SLC39A11: variants seen among roughly 807,000 people sequenced by gnomAD.
SLC39A11 encodes solute carrier family 39 member 11.
Under a neutral mutation model 36.1 loss-of-function variants are expected in SLC39A11, and 33 were observed. That is an observed-to-expected ratio of 0.91 (90% CI 0.69 to 1.22). SLC39A11 has a LOEUF of 1.22. Ranked by LOEUF, SLC39A11 falls within the 50% of genes most tolerant of loss-of-function variation. The pLI is 0.00. For synonymous variants in SLC39A11, 166 were observed against 170.3 expected, an observed-to-expected ratio of 0.97 and a Z score of 0.20; for missense variants, 432 against 430.3, an observed-to-expected ratio of 1.00 and a Z score of -0.03.
chr17:73,047,105 G>A (rs4629029), intron 3 of SLC39A11, among the ~76,000 whole-genome samples: 150,523 of 150,524 alleles, frequency 1, 75,261 homozygotes, highest in Non-Finnish European at 1. Context: ...GCTCACTGCA[G>A]GCTCCACCTC....
At chr17:72,882,916 C>A (rs1423162397) in intron 5 of SLC39A11, among the ~76,000 whole-genome samples, 1 of 151,454 alleles carries the variant, frequency 6.6e-6, no homozygotes, top group Non-Finnish European at 1.5e-5. Context: ...CCTGCCTCAG[C>A]CTCCCCAGTA....
At chr17:73,041,219 A>G (rs1041159364) in intron 3 of SLC39A11, among the ~76,000 whole-genome samples, 1 of 152,224 alleles carries the variant, frequency 6.6e-6, no homozygotes, top group Admixed American at 6.5e-5. Flanking sequence ...GTAAAGGTAC[A>G]GGGATATGAA....
Position 72,931,009 on chromosome 17 carries a change from G to A in SLC39A11, c.430+16743C>T, listed in dbSNP as rs1389348. On this transcript the variant is annotated intron_variant, in intron 5 of 9. Transcript: ENST00000255559. ...AGGAAATGCTGCACTGGGGCTGCAC[G>A]TGGCAGCCCTGGGTCCAAGAGAGCC... is the stretch of plus-strand genomic sequence containing the variant. Among the ~76,000 whole-genome samples, 428 of 152,292 alleles carry A rather than the reference G, an allele frequency of 2.8e-3. 2 individuals carry two copies. Among genetic ancestry groups the A allele is most frequent in the African/African-American group, 9.9e-3 (410 of 41,574 alleles).
At chr17:72,655,409 T>C (rs1387448580) in intron 7 of SLC39A11, among the ~76,000 whole-genome samples, 1 of 152,196 alleles carries the variant, frequency 6.6e-6, no homozygotes, top group Non-Finnish European at 1.5e-5. Flanking sequence ...TGACGACACA[T>C]GCCAGTCACA....
At chr17:73,090,381 G>C (rs1287600394) in intron 1 of SLC39A11, among the ~76,000 whole-genome samples, 1 of 152,012 alleles carries the variant, frequency 6.6e-6, no homozygotes, top group East Asian at 1.9e-4. Context: ...TGTGAAAACT[G>C]TGACCACGCC....
chr17:72,986,420 C>T (rs2148238007), intron 4 of SLC39A11, among the ~76,000 whole-genome samples: 1 of 152,314 alleles, frequency 6.6e-6, no homozygotes, highest in East Asian at 1.9e-4. Context: ...TAAGCTCCAC[C>T]CAAAGCCTCC....
intron 4 of SLC39A11, among the ~76,000 whole-genome samples, chr17:73,013,941 A>G (rs1288405420): frequency 6.6e-6 from 1 of 152,202 alleles, no homozygotes; most frequent in Non-Finnish European, 1.5e-5. Context: ...GATGGAGGGC[A>G]GTCACACCCA....
Position 72,772,648 on chromosome 17 carries a change from C to T in SLC39A11, c.602-35929G>A, listed in dbSNP as rs7210709. Among the ~76,000 whole-genome samples, 1,041 of 152,260 alleles carry T rather than the reference C, an allele frequency of 6.8e-3. 8 individuals carry two copies. The highest frequency in any genetic ancestry group is 0.023 in the African/African-American group (943 of 41,528). ...TCCTGTAGGCGTGTTCCTGTTGCAT[C>T]GCTGCACACCTGCTACCCAGCTGAG... On this transcript the variant is annotated intron_variant, in intron 6 of 9. Coordinates refer to ENST00000255559, the MANE Select transcript of SLC39A11 (RefSeq NM_139177.4).
At chr17:72,981,368 G>C (rs927173804) in intron 4 of SLC39A11, among the ~76,000 whole-genome samples, 13 of 152,070 alleles carry the variant, frequency 8.5e-5, no homozygotes, top group African/African-American at 3.1e-4. Flanking sequence ...AAATCCAGAA[G>C]CAAATACGTA....
At chr17:73,052,045 T>C (rs978324015) in intron 3 of SLC39A11, among the ~76,000 whole-genome samples, 3 of 151,906 alleles carry the variant, frequency 2.0e-5, no homozygotes, top group African/African-American at 7.3e-5. Flanking sequence ...CAAGTGGTCG[T>C]GAAGACAAAA....
intron 7 of SLC39A11, among the ~76,000 whole-genome samples, chr17:72,694,499 C>G (rs1408152080): frequency 6.6e-6 from 1 of 152,252 alleles, no homozygotes; most frequent in East Asian, 1.9e-4. Flanking sequence ...CACTGTGCAG[C>G]TGTCTGCAGG....
At position 73,004,163 on chromosome 17, in the gene SLC39A11, A is replaced by AAAAGAAAGAAAG. The variant is rs1268703786; in HGVS notation, c.306+27381_306+27392dup. ...AGGAAGAAAGAAAGAAAGAAGGAAA[A>AAAAGAAAGAAAG]AAAGAAAGAAAGAAAGAAAGAAAGA... On this transcript the variant is annotated intron_variant, in intron 4 of 9. Coordinates refer to ENST00000255559, the MANE Select transcript of SLC39A11 (RefSeq NM_139177.4). Among the ~76,000 whole-genome samples, 91 of 100,312 alleles carry AAAAGAAAGAAAG rather than the reference A, an allele frequency of 9.1e-4. 1 individual carries two copies. The highest frequency in any genetic ancestry group is 5.9e-3 in the East Asian group (18 of 3,034). 65.8% of individuals were successfully genotyped at this position (100,312 alleles called of 152,430 possible).
chr17:73,056,012 T>C (rs957664345), intron 3 of SLC39A11, among the ~76,000 whole-genome samples: 2 of 152,176 alleles, frequency 1.3e-5, no homozygotes, highest in Non-Finnish European at 2.9e-5. Context: ...GTCTTTCTGA[T>C]ACTTTTGGTG....
At chr17:72,941,217 G>A (rs771867055) in intron 5 of SLC39A11, among the ~76,000 whole-genome samples, 2 of 152,204 alleles carry the variant, frequency 1.3e-5, no homozygotes, top group South Asian at 2.1e-4. Context: ...AGGCTACAGT[G>A]AGCCATGATC....
intron 4 of SLC39A11, among the ~76,000 whole-genome samples, chr17:72,981,079 G>C (rs73349344): frequency 0.025 from 3,773 of 151,584 alleles, 156 homozygotes; most frequent in African/African-American, 0.086. Flanking sequence ...TTTTCTGGTA[G>C]GCACAATCAC....
At chr17:72,881,192 C>A (rs568888273) in intron 5 of SLC39A11, among the ~76,000 whole-genome samples, 1 of 152,244 alleles carries the variant, frequency 6.6e-6, no homozygotes, top group South Asian at 2.1e-4. Context: ...TATGTCCACA[C>A]AAAGACTTGT....
chr17:73,080,700 T>C (rs1254974067), intron 3 of SLC39A11, among the ~76,000 whole-genome samples: 1 of 152,098 alleles, frequency 6.6e-6, no homozygotes, highest in Non-Finnish European at 1.5e-5. Context: ...GTCCCAGCAC[T>C]CTGGGAGGCT....
intron 7 of SLC39A11, among the ~76,000 whole-genome samples, chr17:72,730,128 G>A (rs1228506600): frequency 6.6e-6 from 1 of 152,120 alleles, no homozygotes; most frequent in African/African-American, 2.4e-5. Flanking sequence ...TCCACTGCAT[G>A]CATTTTGTTA....
At chr17:72,818,690 G>C (rs190092371) in intron 6 of SLC39A11, 179 of 152,202 alleles carry the variant, frequency 1.2e-3, no homozygotes, top group African/African-American at 4.1e-3. Flanking sequence ...AGTCTGTTGA[G>C]ATCCTTTGAT....
Sources: allele counts gnomAD v4.1 joint callset (sites outside exome capture counted in the v4.1 genomes callset), GRCh38; gene constraint gnomAD v4.1.1; transcripts MANE v1.5; gene names NCBI Gene and HGNC (gene_info 2026-07-23, HGNC 2026-07-21).